BSN: variants seen among roughly 807,000 people sequenced by gnomAD.
BSN encodes protein bassoon.
BSN carries 57 observed loss-of-function variants against 264.8 expected under a neutral mutation model. That is an observed-to-expected ratio of 0.22 (90% CI 0.17 to 0.27). BSN has a LOEUF of 0.27. Among genes scored for constraint, BSN ranks in the 10% least tolerant of loss-of-function variants. The probability of loss-of-function intolerance (pLI) is 1.00; values close to 1 mark genes in which losing one functional copy is unlikely to be tolerated. For synonymous variants in BSN, 2,059 were observed against 2,137.3 expected, an observed-to-expected ratio of 0.96 and a Z score of 1.01; for missense variants, 4,615 against 5,232.5, an observed-to-expected ratio of 0.88 and a Z score of 3.64.
chr3:49,606,809 T>G (rs2052156294), intron 1 of BSN, among the ~76,000 whole-genome samples: 2 of 152,114 alleles, frequency 1.3e-5, no homozygotes, highest in South Asian at 4.1e-4. Flanking sequence ...GGTAAAAACC[T>G]GACCATGCCA....
At chr3:49,631,168 GCCA>G (rs2052381398) in intron 2 of BSN, among the ~76,000 whole-genome samples, 1 of 151,530 alleles carries the variant, frequency 6.6e-6, no homozygotes, top group Non-Finnish European at 1.5e-5. Flanking sequence ...AGGCACCACT[GCCA>G]CCAAGAACCA....
intron 5 of BSN, among the ~76,000 whole-genome samples, chr3:49,658,452 C>T (rs775424375): frequency 1.1e-4 from 17 of 151,806 alleles, no homozygotes; most frequent in Middle Eastern, 3.4e-3. Flanking sequence ...GAAGCTTCAG[C>T]CTCCTCCCAG....
In BSN at chr3:49,663,336, G is replaced by A. The variant is rs1447687708; in HGVS notation, c.11178G>A (p.Arg3726=). The A allele has an allele frequency of 1.9e-6, 3 of 1,613,770 alleles. No individual in the cohort carries two copies. The highest frequency in any genetic ancestry group is 1.7e-5 in the Admixed American group (1 of 60,034). The change falls in exon 7 of 12, where the codon CGG becomes CGA. Residue 3726 remains arginine (R), a synonymous_variant. Coordinates refer to ENST00000296452, the MANE Select transcript of BSN (RefSeq NM_003458.4). ...CCTCTGACAGCAAGAAGGGCTCCCGGCAAGCCCACTCCGGGCCCGCTGCAC... is the reference window on the plus strand; with the variant it reads ...CCTCTGACAGCAAGAAGGGCTCCCGACAAGCCCACTCCGGGCCCGCTGCAC... ...HHASDSKKGS[R]QAHSGPAALQ...
At chr3:49,631,236 T>C (rs1049450803) in intron 2 of BSN, among the ~76,000 whole-genome samples, 1 of 148,916 alleles carries the variant, frequency 6.7e-6, no homozygotes, top group Admixed American at 6.7e-5. Flanking sequence ...CTATGGCGGG[T>C]GCTGTTGGTA....
At chr3:49,612,865 G>C (rs2052219117) in intron 1 of BSN, among the ~76,000 whole-genome samples, 1 of 152,220 alleles carries the variant, frequency 6.6e-6, no homozygotes, top group Non-Finnish European at 1.5e-5. Flanking sequence ...AGGCATGGTG[G>C]CTCACACCTG....
intron 1 of BSN, among the ~76,000 whole-genome samples, chr3:49,582,886 C>T (rs2051905072): frequency 6.6e-6 from 1 of 152,056 alleles, no homozygotes; most frequent in South Asian, 2.1e-4. Flanking sequence ...GCTTTTTCTG[C>T]ATCAATTGAG....
intron 1 of BSN, among the ~76,000 whole-genome samples, chr3:49,558,378 C>T (rs1454808691): frequency 6.6e-6 from 1 of 152,240 alleles, no homozygotes; most frequent in African/African-American, 2.4e-5. Context: ...AGTCGCCTCT[C>T]TTCACTCCTG....
chr3:49,669,802 C>T lies in BSN; in HGVS notation c.*2317C>T, dbSNP rs1271367534. 1.3e-5 allele frequency: 2 copies of T among 152,504 alleles called. No individual in the cohort carries two copies. The highest frequency in any genetic ancestry group is 1.9e-4 in the East Asian group (1 of 5,198). 9.4% of individuals were successfully genotyped at this position (152,504 alleles called of 1,614,324 possible). ...CTTACAGAAGGTCCTGTGTGACCCT[C>T]TCTGCATCTGTCCCCAGGACCTATG... On this transcript the variant is annotated 3_prime_UTR_variant, in exon 12 of 12. Coordinates refer to ENST00000296452, the MANE Select transcript of BSN (RefSeq NM_003458.4).
intron 1 of BSN, among the ~76,000 whole-genome samples, chr3:49,615,605 A>G (rs2052254086): frequency 6.6e-6 from 1 of 152,180 alleles, no homozygotes; most frequent in Admixed American, 6.5e-5. Flanking sequence ...ACAGCACCTT[A>G]GAGGCTTTGA....
intron 1 of BSN, among the ~76,000 whole-genome samples, chr3:49,569,081 G>T (rs1001637631): frequency 5.9e-5 from 9 of 152,164 alleles, no homozygotes; most frequent in African/African-American, 1.7e-4. Flanking sequence ...GTCAGGAGGA[G>T]CTCTGAGTTT....
In BSN at chr3:49,654,299, C is replaced by G. The variant is rs763100387; in HGVS notation, c.4743C>G (p.Leu1581=). 6.2e-7 allele frequency: 1 copy of G among 1,613,696 alleles called. No homozygotes were observed. The change falls in exon 5 of 12, where the codon CTC becomes CTG. Residue 1581 remains leucine (L), a synonymous_variant. Transcript: ENST00000296452. This position sits in a 1 kb window ranked among gnomAD's most constrained non-coding sequence, Gnocchi z 4.1. The part of the protein sequence containing the change: ...MVHASASTSP[L]CSPTETQPTT... ...ATGCCAGTGCCTCCACCTCCCCGCT[C>G]TGCTCACCTACTGAAACCCAGCCCA...
chr3:49,662,895 G>A lies in BSN; in HGVS notation c.10737G>A (p.Glu3579=), dbSNP rs1017835081. The A allele has an allele frequency of 5.0e-6, 8 of 1,587,090 alleles. No homozygotes were observed. Among genetic ancestry groups the A allele is most frequent in the East Asian group, 2.2e-5 (1 of 44,600 alleles). Residue 3579 remains glutamate (E), a synonymous_variant, in exon 7 of 12, where the codon GAG becomes GAA. Coordinates refer to ENST00000296452, the MANE Select transcript of BSN (RefSeq NM_003458.4). ...SDSEAYHLGQ[E]ETDWFDKPRD... is the part of the protein sequence containing the mutation. ...CTGAAGCGTATCACCTGGGCCAGGA[G>A]GAGACGGACTGGTTTGATAAGCCCC...
At chr3:49,617,658 C>T (rs1423404043) in intron 1 of BSN, among the ~76,000 whole-genome samples, 1 of 152,110 alleles carries the variant, frequency 6.6e-6, no homozygotes, top group Admixed American at 6.5e-5. Flanking sequence ...TGGCGGAGAC[C>T]TTTGTTTGTG....
At chr3:49,627,855 G>A (rs2052353203) in intron 2 of BSN, among the ~76,000 whole-genome samples, 1 of 152,182 alleles carries the variant, frequency 6.6e-6, no homozygotes, top group Non-Finnish European at 1.5e-5. Context: ...GAAAAAGGTA[G>A]AGGTACTGCC....
rs1269596040 is a variant in BSN, at chr3:49,585,199, G to T, written c.224+30373G>T. ...TCATATGGTAGCCCAATTTTTAGTT[G>T]TTTTTTTTTTAATTTTAATTTTTAT... On this transcript the variant is annotated intron_variant, in intron 1 of 11. Transcript: ENST00000296452. This position sits in a 1 kb window ranked among gnomAD's most constrained non-coding sequence, Gnocchi z 4.7. Among the ~76,000 whole-genome samples the T allele has an allele frequency of 3.4e-5, 5 of 149,106 alleles. No individual in the cohort carries two copies. Among genetic ancestry groups the T allele is most frequent in the Non-Finnish European group, 7.4e-5 (5 of 67,316 alleles).
chr3:49,607,865 G>A (rs533928909), intron 1 of BSN, among the ~76,000 whole-genome samples: 2 of 152,330 alleles, frequency 1.3e-5, no homozygotes, highest in South Asian at 4.1e-4. Flanking sequence ...TCAAGGGTGG[G>A]TCCAGCCACC....
chr3:49,657,438 C>T lies in BSN; in HGVS notation c.7882C>T (p.Arg2628Cys), dbSNP rs368607961. 47 of 1,612,708 alleles carry T rather than the reference C, an allele frequency of 2.9e-5. No individual in the cohort carries two copies. Among genetic ancestry groups the T allele is most frequent in the Non-Finnish European group, 3.6e-5 (43 of 1,179,870 alleles). The change falls in exon 5 of 12, where the codon CGC becomes TGC. Residue 2628 changes from arginine to cysteine, a missense_variant. Coordinates refer to ENST00000296452, the MANE Select transcript of BSN (RefSeq NM_003458.4). The part of the protein sequence containing the change: ...DSAEWEQPVR[R>C]RRSRLPRHSD... The stretch of plus-strand genomic sequence containing the variant: ...TGCTGAGTGGGAGCAGCCAGTGCGC[C>T]GCCGCAGGTCTCGTCTTCCCCGCCA...
intron 2 of BSN, among the ~76,000 whole-genome samples, chr3:49,637,287 G>A (rs906021711): frequency 3.3e-5 from 5 of 152,098 alleles, no homozygotes; most frequent in African/African-American, 9.7e-5. Context: ...ATGTGACTTC[G>A]GGGGGCTCTC....
At position 49,585,179 on chromosome 3, in the gene BSN, T is replaced by G. The variant is rs1257597341; in HGVS notation, c.224+30353T>G. The stretch of plus-strand genomic sequence containing the variant: ...CCAGTGGTGGGATTGATGGATCATA[T>G]GGTAGCCCAATTTTTAGTTGTTTTT... On this transcript the variant is annotated intron_variant, in intron 1 of 11. Transcript: ENST00000296452. This position sits in a 1 kb window ranked among gnomAD's most constrained non-coding sequence, Gnocchi z 4.7. Among the ~76,000 whole-genome samples, 2 of 148,654 alleles carry G rather than the reference T, an allele frequency of 1.3e-5. No homozygotes were observed. The highest frequency in any genetic ancestry group is 3.0e-5 in the Non-Finnish European group (2 of 67,504).
Sources: allele counts gnomAD v4.1 joint callset (sites outside exome capture counted in the v4.1 genomes callset), GRCh38; gene constraint gnomAD v4.1.1; non-coding constraint Gnocchi (gnomAD v3.1); transcripts MANE v1.5; gene names NCBI Gene and HGNC (gene_info 2026-07-23, HGNC 2026-07-21).